Variants in LMX1B observed in about 807,000 individuals in gnomAD.
LMX1B encodes the protein LIM homeobox transcription factor 1-beta.
In LMX1B, 12 loss-of-function variants were observed where a neutral mutation model predicts 51.4. That is an observed-to-expected ratio of 0.23 (90% confidence interval 0.15 to 0.38). LMX1B has a LOEUF of 0.38. LMX1B is among the 10% of genes least tolerant of loss of function. LMX1B has a pLI of 1.00. For synonymous variants in LMX1B, 237 were observed against 235.4 expected (o/e 1.01, Z -0.06); for missense variants, 445 against 571.1 (o/e 0.78, Z 2.25).
At position 126,672,471 on chromosome 9, in the gene LMX1B, A is replaced by AT. The variant is rs201908832; in HGVS notation, c.327-18357dup. ...GACTCAGTTTATTTTATTTTATTTT[A>AT]TTTTTTTTCCCAGAGAAACAATAGT... On this transcript the variant is annotated intron_variant, in intron 2 of 7. Coordinates refer to ENST00000373474, the MANE Select transcript of LMX1B (RefSeq NM_001174147.2). Among the ~76,000 whole-genome samples the AT allele has an allele frequency of 4.1e-3, 617 of 151,664 alleles. 5 individuals carry two copies. Among genetic ancestry groups the AT allele is most frequent in the African/African-American group, 0.01 (427 of 41,292 alleles).
intron 2 of LMX1B, among the ~76,000 whole-genome samples, chr9:126,686,075 C>T (rs1018732386): frequency 4.6e-5 from 7 of 151,974 alleles, no homozygotes; most frequent in Non-Finnish European, 1.0e-4. Context: ...TGATTTAAGT[C>T]GAGACCATCC....
chr9:126,619,004 C>T (rs930609309), intron 2 of LMX1B, among the ~76,000 whole-genome samples: 1 of 152,014 alleles, frequency 6.6e-6, no homozygotes, highest in Admixed American at 6.5e-5. Context: ...CCTGCCCGGG[C>T]GGCCGAGCCT....
intron 2 of LMX1B, among the ~76,000 whole-genome samples, chr9:126,634,329 C>A (rs918347785): frequency 1.3e-5 from 2 of 152,166 alleles, no homozygotes; most frequent in African/African-American, 4.8e-5. Flanking sequence ...CCTCACCGGG[C>A]AGGTCTCTGA....
chr9:126,657,530 G>T (rs7853249), intron 2 of LMX1B, among the ~76,000 whole-genome samples: 27,455 of 152,118 alleles, frequency 0.18, 2,617 homozygotes, highest in South Asian at 0.23. Context: ...CAGGACTGGG[G>T]TTGGGGGGAG....
At chr9:126,627,460 G>C (rs1486177997) in intron 2 of LMX1B, among the ~76,000 whole-genome samples, 1 of 152,028 alleles carries the variant, frequency 6.6e-6, no homozygotes, top group Non-Finnish European at 1.5e-5. Context: ...CCAAGGGAAA[G>C]CAGAGAAGGA....
chr9:126,621,763 C>T (rs999123142), intron 2 of LMX1B, among the ~76,000 whole-genome samples: 1 of 148,434 alleles, frequency 6.7e-6, no homozygotes, highest in Non-Finnish European at 1.5e-5. Context: ...CATCTTCTCT[C>T]AGAAAAATGT....
At chr9:126,678,030 G>A (rs1836598550) in intron 2 of LMX1B, among the ~76,000 whole-genome samples, 1 of 152,212 alleles carries the variant, frequency 6.6e-6, no homozygotes, top group Non-Finnish European at 1.5e-5. Flanking sequence ...TGGAGAAACT[G>A]CTGGGCATGG....
chr9:126,681,707 C>T (rs1041194652), intron 2 of LMX1B, among the ~76,000 whole-genome samples: 1 of 152,048 alleles, frequency 6.6e-6, no homozygotes, highest in African/African-American at 2.4e-5. Flanking sequence ...TCGTGACCAG[C>T]CTGGCCAACA....
intron 2 of LMX1B, among the ~76,000 whole-genome samples, chr9:126,646,722 A>T (rs4837101): frequency 6.6e-6 from 1 of 152,168 alleles, no homozygotes; most frequent in African/African-American, 2.4e-5. Context: ...TCTTGGTCCA[A>T]TCAGCAAATC....
rs1835833705 is a variant in LMX1B, at chr9:126,642,899, A to G, written c.326+27330A>G. The stretch of plus-strand genomic sequence containing the variant: ...AGGGATGATGGATCTGCAGCCCGGG[A>G]AATCGGGAATTGGCCTCACCCTGTG... On this transcript the variant is annotated intron_variant, in intron 2 of 7. Transcript: ENST00000373474. Among the ~76,000 whole-genome samples the G allele has an allele frequency of 3.3e-5, 5 of 152,126 alleles. No homozygotes were observed. In the South Asian group the frequency reaches 1.0e-3, roughly 32 times the overall value.
intron 2 of LMX1B, among the ~76,000 whole-genome samples, chr9:126,668,318 A>G (rs996155674): frequency 6.6e-6 from 1 of 152,134 alleles, no homozygotes; most frequent in Non-Finnish European, 1.5e-5. Context: ...CACCTTCACC[A>G]GAACGCTGCA....
At chr9:126,619,437 G>C (rs1365108179) in intron 2 of LMX1B, among the ~76,000 whole-genome samples, 2 of 152,196 alleles carry the variant, frequency 1.3e-5, no homozygotes, top group Non-Finnish European at 2.9e-5. Flanking sequence ...CCCTTCCCCA[G>C]TGTGTACCCC....
Position 126,696,535 on chromosome 9 carries a change from G to A in LMX1B, c.*84G>A. Reference sequence around the variant, plus strand: ...CGGCCAGCCTGGCCACCCCCGCCCTGCTCTCCGCACAGACTACAGACAGCC... The same window carrying A: ...CGGCCAGCCTGGCCACCCCCGCCCTACTCTCCGCACAGACTACAGACAGCC... On this transcript the variant is annotated 3_prime_UTR_variant, in exon 8 of 8. Coordinates refer to ENST00000373474, the MANE Select transcript of LMX1B (RefSeq NM_001174147.2). 1 of 1,506,892 alleles carries A rather than the reference G, an allele frequency of 6.6e-7. No individual in the cohort carries two copies. The allele number at this position is 1,506,892 out of a possible 1,614,324, so 93.3% of individuals were successfully genotyped here.
intron 2 of LMX1B, among the ~76,000 whole-genome samples, chr9:126,663,566 C>T (rs1008995830): frequency 9.9e-5 from 15 of 152,146 alleles, no homozygotes; most frequent in African/African-American, 2.4e-4. Flanking sequence ...TTATAAAATG[C>T]GGATAATAGT....
chr9:126,663,429 A>C (rs201628375), intron 2 of LMX1B, among the ~76,000 whole-genome samples: 1 of 91,078 alleles, frequency 1.1e-5, no homozygotes, highest in Admixed American at 1.1e-4. Flanking sequence ...TTCTCAAAAA[A>C]AAAAAAAAAG....
intron 2 of LMX1B, among the ~76,000 whole-genome samples, chr9:126,627,882 T>C (rs1194371697): frequency 6.6e-6 from 1 of 152,094 alleles, no homozygotes; most frequent in Admixed American, 6.5e-5. Context: ...AACTCCACAG[T>C]CCTTTTGAGA....
chr9:126,664,935 G>T (rs901628038), intron 2 of LMX1B, among the ~76,000 whole-genome samples: 1 of 152,172 alleles, frequency 6.6e-6, no homozygotes. Flanking sequence ...AAGTAATTCA[G>T]CTTCCTGAGC....
chr9:126,696,016 A>ACGGGGGGCCCC lies in LMX1B; in HGVS notation c.1051+14_1051+15insGGGGGGCCCCC. ...ATGAACCCCTATGGTAAGCCGCCCT[A>ACGGGGGGCCCC]CCCCCACCCGCCCGCCCCAGCACAG... On this transcript the variant is annotated intron_variant, in intron 7 of 7. Coordinates refer to ENST00000373474, the MANE Select transcript of LMX1B (RefSeq NM_001174147.2). 2.0e-6 allele frequency: 3 copies of ACGGGGGGCCCC among 1,512,684 alleles called. No individual in the cohort carries two copies. Among genetic ancestry groups the ACGGGGGGCCCC allele is most frequent in the Non-Finnish European group, 2.7e-6 (3 of 1,131,782 alleles). The allele number at this position is 1,512,684 out of a possible 1,614,324, so 93.7% of individuals were successfully genotyped here.
At chr9:126,668,662 C>G (rs960191963) in intron 2 of LMX1B, among the ~76,000 whole-genome samples, 7 of 152,064 alleles carry the variant, frequency 4.6e-5, no homozygotes, top group Non-Finnish European at 8.8e-5. Context: ...CCATGTTGGC[C>G]GGGCTGTTCT....
Sources: allele counts gnomAD v4.1 joint callset (sites outside exome capture counted in the v4.1 genomes callset), GRCh38; gene constraint gnomAD v4.1.1; transcripts MANE v1.5; gene names NCBI Gene and HGNC (gene_info 2026-07-23, HGNC 2026-07-21).